AUTS2: variants seen among roughly 807,000 people sequenced by gnomAD.
AUTS2 encodes autism susceptibility gene 2 protein.
In AUTS2, 17 loss-of-function variants were observed where a neutral mutation model predicts 112.4. The ratio of observed to expected loss-of-function variants is 0.15; its 90% confidence interval spans 0.10 to 0.23. The LOEUF is 0.23. Among genes scored for constraint, AUTS2 ranks in the 10% least tolerant of loss-of-function variants. The pLI, the probability that AUTS2 is intolerant of heterozygous loss-of-function variation, is 1.00. For synonymous variants in AUTS2, 751 were observed against 702.7 expected (o/e 1.07, Z -1.09); for missense variants, 1,510 against 1,701.6 (o/e 0.89, Z 1.98).
At position 70,102,678 on chromosome 7, in the gene AUTS2, G is replaced by A. The variant is rs536841802; in HGVS notation, c.523-15454G>A. ...TATACTAATAAGATTATAGTTACAA[G>A]TCAGACAGCAATTTCATGGCACCTG... On this transcript the variant is annotated intron_variant, in intron 2 of 18. Transcript: ENST00000342771. Among the ~76,000 whole-genome samples, 3 of 152,122 alleles carry A rather than the reference G, an allele frequency of 2.0e-5. No homozygotes were observed. In the East Asian group the frequency reaches 5.8e-4, roughly 29 times the overall value.
At chr7:70,002,414 A>G (rs1175804337) in intron 2 of AUTS2, among the ~76,000 whole-genome samples, 2 of 152,182 alleles carry the variant, frequency 1.3e-5, no homozygotes, top group Non-Finnish European at 2.9e-5. Context: ...TAAATAATCT[A>G]TCCTTGGCTC....
intron 5 of AUTS2, among the ~76,000 whole-genome samples, chr7:70,594,957 C>T (rs932471016): frequency 3.9e-5 from 6 of 152,066 alleles, no homozygotes; most frequent in Admixed American, 6.5e-5. Flanking sequence ...CAAAATTAGT[C>T]GGGCGTGGTG....
chr7:70,321,674 T>C (rs574198302), intron 4 of AUTS2, among the ~76,000 whole-genome samples: 59 of 152,074 alleles, frequency 3.9e-4, no homozygotes, highest in Non-Finnish European at 7.9e-4. Flanking sequence ...AATTTATAGA[T>C]GGGGGAAAAA....
intron 2 of AUTS2, among the ~76,000 whole-genome samples, chr7:70,095,476 G>A (rs923024717): frequency 6.6e-6 from 1 of 152,150 alleles, no homozygotes; most frequent in African/African-American, 2.4e-5. Flanking sequence ...ATTTTCAGGA[G>A]TGGTAATGAA....
chr7:69,742,111 CTTTTTTTTTT>C (rs752148406), intron 1 of AUTS2, among the ~76,000 whole-genome samples: 2 of 125,712 alleles, frequency 1.6e-5, no homozygotes, highest in African/African-American at 6.1e-5. Flanking sequence ...CCTATTTTAC[CTTTTTTTTTT>C]TTTTTTTTTG....
chr7:69,821,932 A>AG (rs1229142779), intron 1 of AUTS2, among the ~76,000 whole-genome samples: 1 of 152,014 alleles, frequency 6.6e-6, no homozygotes, highest in African/African-American at 2.4e-5. Flanking sequence ...AAAAAAAAAA[A>AG]AAAAAGTCTA....
chr7:69,754,099 T>A (rs1028464808), intron 1 of AUTS2, among the ~76,000 whole-genome samples: 5 of 152,136 alleles, frequency 3.3e-5, no homozygotes, highest in African/African-American at 1.2e-4. Flanking sequence ...AGTGCTCCTT[T>A]CCCTCCTCTG....
chr7:69,991,989 G>T (rs1209600195), intron 2 of AUTS2, among the ~76,000 whole-genome samples: 4 of 152,176 alleles, frequency 2.6e-5, no homozygotes, highest in Non-Finnish European at 5.9e-5. Flanking sequence ...ACTTATGTAA[G>T]TGTTGCCCTC....
chr7:70,284,208 A>G (rs1788355247), intron 4 of AUTS2, among the ~76,000 whole-genome samples: 1 of 152,250 alleles, frequency 6.6e-6, no homozygotes, highest in Non-Finnish European at 1.5e-5. Flanking sequence ...ACATCAATAC[A>G]TAATCTTAAT....
At chr7:70,329,340 T>C (rs1464849893) in intron 4 of AUTS2, among the ~76,000 whole-genome samples, 1 of 152,186 alleles carries the variant, frequency 6.6e-6, no homozygotes. Context: ...ATTAAACTTT[T>C]TGAAGATTGC....
At chr7:70,194,040 A>C (rs1810041143) in intron 4 of AUTS2, among the ~76,000 whole-genome samples, 1 of 152,226 alleles carries the variant, frequency 6.6e-6, no homozygotes, top group Non-Finnish European at 1.5e-5. Flanking sequence ...GTGCCATGAA[A>C]AGATGATAAA....
intron 4 of AUTS2, among the ~76,000 whole-genome samples, chr7:70,315,172 G>A (rs1217430156): frequency 6.6e-6 from 1 of 152,112 alleles, no homozygotes; most frequent in Non-Finnish European, 1.5e-5. Context: ...TTCCACTTTG[G>A]ATCTCTCTCA....
intron 4 of AUTS2, among the ~76,000 whole-genome samples, chr7:70,350,256 A>G (rs1273850769): frequency 1.3e-5 from 2 of 152,220 alleles, no homozygotes; most frequent in Non-Finnish European, 2.9e-5. Context: ...AAGATGTACA[A>G]CATAATGTTT....
chr7:70,502,230 T>A (rs1798797312), intron 5 of AUTS2, among the ~76,000 whole-genome samples: 1 of 152,216 alleles, frequency 6.6e-6, no homozygotes, highest in African/African-American at 2.4e-5. Flanking sequence ...TACGAATTGC[T>A]TCAGGTCCAC....
intron 1 of AUTS2, among the ~76,000 whole-genome samples, chr7:69,686,661 A>T (rs763811855): frequency 1.3e-5 from 2 of 152,230 alleles, no homozygotes; most frequent in Non-Finnish European, 2.9e-5. Context: ...TGCTGTATAA[A>T]GGCTTCTAAG....
intron 2 of AUTS2, among the ~76,000 whole-genome samples, chr7:69,970,071 GT>G (rs1165867802): frequency 2.0e-5 from 3 of 152,040 alleles, no homozygotes; most frequent in Admixed American, 1.3e-4. Flanking sequence ...AACAAACACT[GT>G]TTTTTTAACC....
chr7:70,484,912 C>A (rs908189395), intron 5 of AUTS2, among the ~76,000 whole-genome samples: 1 of 152,090 alleles, frequency 6.6e-6, no homozygotes, highest in African/African-American at 2.4e-5. Flanking sequence ...CAGGGAAATG[C>A]AAAGTAAAAC....
intron 1 of AUTS2, among the ~76,000 whole-genome samples, chr7:69,711,361 G>A (rs907242929): frequency 3.6e-5 from 5 of 140,164 alleles, no homozygotes; most frequent in Non-Finnish European, 6.2e-5. Context: ...ATACTATGTG[G>A]TTTTGAGAAA....
In AUTS2 at chr7:70,257,511, T is replaced by A. The variant is rs992013452; in HGVS notation, c.660+122940T>A. ...TTTTGTATTTTAAGTAGAGAAGAGATTTCGGCATGTTGGCCAGGCTGGTCT... is the reference window on the plus strand; with the variant it reads ...TTTTGTATTTTAAGTAGAGAAGAGAATTCGGCATGTTGGCCAGGCTGGTCT... On this transcript the variant is annotated intron_variant, in intron 4 of 18. Coordinates refer to ENST00000342771, the MANE Select transcript of AUTS2 (RefSeq NM_015570.4). Among the ~76,000 whole-genome samples the A allele has an allele frequency of 3.3e-5, 5 of 152,292 alleles. No homozygotes were observed. The East Asian group carries it at 7.7e-4, about 24-fold the overall frequency.
Sources: gnomAD v4.1 joint callset for allele counts (sites outside exome capture counted in the v4.1 genomes callset) on GRCh38, gnomAD v4.1.1 for gene constraint, MANE v1.5 for transcripts, NCBI Gene and HGNC (gene_info 2026-07-23, HGNC 2026-07-21) for gene names.